The following ATG7 variants were observed in gnomAD, a reference collection of about 807,000 sequenced individuals.
ATG7 encodes autophagy related 7.
Under a neutral mutation model 82.4 loss-of-function variants are expected in ATG7, and 70 were observed. The observed-to-expected ratio is 0.85, with a 90% CI of 0.70 to 1.04. The LOEUF (loss-of-function observed/expected upper bound fraction) is 1.04, where lower values mean the gene tolerates loss of function less well. Among genes scored for constraint, ATG7 ranks in the 50% least tolerant of loss-of-function variants. The pLI is 0.00. For synonymous variants in ATG7, 287 were observed against 313.0 expected, an observed-to-expected ratio of 0.92 and a Z score of 0.88; for missense variants, 792 against 864.3, an observed-to-expected ratio of 0.92 and a Z score of 1.05.
At chr3:11,395,085 G>T (rs984886541) in intron 19 of ATG7, among the ~76,000 whole-genome samples, 7 of 152,096 alleles carry the variant, frequency 4.6e-5, no homozygotes, top group African/African-American at 1.7e-4. Context: ...CGGCTTTCCA[G>T]ATTTAAAAAA....
intron 9 of ATG7, among the ~76,000 whole-genome samples, chr3:11,329,932 T>G (rs574434821): frequency 2.6e-5 from 4 of 152,358 alleles, no homozygotes; most frequent in African/African-American, 9.6e-5. Flanking sequence ...TAGTTTCCTC[T>G]GATCTGTAAT....
At chr3:11,419,332 C>T (rs1391744850) in intron 19 of ATG7, among the ~76,000 whole-genome samples, 2 of 152,068 alleles carry the variant, frequency 1.3e-5, no homozygotes, top group Non-Finnish European at 2.9e-5. Flanking sequence ...GTGGGTGGAT[C>T]GCTTGAGGCC....
intron 9 of ATG7, among the ~76,000 whole-genome samples, chr3:11,323,762 C>CGAAGAAAGTGAAGA (rs1950509176): frequency 6.6e-6 from 1 of 152,232 alleles, no homozygotes; most frequent in Non-Finnish European, 1.5e-5. Flanking sequence ...GCTCTTTCTT[C>CGAAGAAAGTGAAGA]ACTTAGTGAT....
intron 20 of ATG7, among the ~76,000 whole-genome samples, chr3:11,464,695 G>A (rs551147004): frequency 4.5e-4 from 68 of 152,316 alleles, no homozygotes; most frequent in Non-Finnish European, 8.5e-4. Flanking sequence ...AAGTCATTGC[G>A]AGTAGCTAGA....
chr3:11,386,625 A>G (rs1464588242), intron 19 of ATG7, among the ~76,000 whole-genome samples: 26 of 152,208 alleles, frequency 1.7e-4, no homozygotes, highest in Admixed American at 1.7e-3. Flanking sequence ...GGCTGCAGCC[A>G]GATTTTCCTT....
intron 19 of ATG7, among the ~76,000 whole-genome samples, chr3:11,386,956 C>G (rs138320273): frequency 1.4e-3 from 213 of 152,352 alleles, no homozygotes; most frequent in Non-Finnish European, 2.3e-3. Context: ...GGACATTTCT[C>G]CCTTTGCTTC....
intron 20 of ATG7, among the ~76,000 whole-genome samples, chr3:11,430,689 T>C (rs1220223968): frequency 6.6e-6 from 1 of 152,234 alleles, no homozygotes; most frequent in Non-Finnish European, 1.5e-5. Flanking sequence ...AATGAGACAC[T>C]GACCCTCAAG....
intron 13 of ATG7, among the ~76,000 whole-genome samples, chr3:11,344,531 C>T (rs1954187993): frequency 6.6e-6 from 1 of 152,162 alleles, no homozygotes; most frequent in Non-Finnish European, 1.5e-5. Flanking sequence ...TCTTATTCTT[C>T]TCATATACTC....
In ATG7 at chr3:11,493,372, G is replaced by C. The variant is rs76988957; in HGVS notation, c.2080-61439G>C. On this transcript the variant is annotated intron_variant, in intron 20 of 20. Coordinates refer to ENST00000693202, the MANE Select transcript of ATG7 (RefSeq NM_001349232.2). Reference sequence around the variant, plus strand: ...CCTGGAGTCTTTATAGACACAGGATGGGGGGACAGGGCTGGCCATAGGTAG... The same window carrying C: ...CCTGGAGTCTTTATAGACACAGGATCGGGGGACAGGGCTGGCCATAGGTAG... 1.9e-3 allele frequency among the ~76,000 whole-genome samples: 294 copies of C among 152,236 alleles called. 1 individual carries two copies. Among genetic ancestry groups the C allele is most frequent in the African/African-American group, 6.7e-3 (277 of 41,558 alleles).
At chr3:11,543,627 C>T (rs760361143) in intron 20 of ATG7, among the ~76,000 whole-genome samples, 5 of 152,280 alleles carry the variant, frequency 3.3e-5, no homozygotes, top group Middle Eastern at 3.4e-3. Flanking sequence ...AGGCTGGCCG[C>T]GGTGGCTCAT....
In ATG7 at chr3:11,342,161, A is replaced by G; in HGVS notation, c.1007A>G (p.Asn336Ser). The change falls in exon 13 of 21, where the codon AAT becomes AGT. Residue 336 changes from asparagine (N) to serine (S), a missense_variant. Asn to Ser is a conservative substitution (Grantham distance 46). Transcript: ENST00000693202. ...KRLAESSVDL[N>S]LKLMCWRLVP... ...TTAGCTGAGTCATCAGTGGATCTAA[A>G]TCTCAAACTGATGTGTTGGAGATTG... 2 of 1,613,048 alleles carry G rather than the reference A, an allele frequency of 1.2e-6. No homozygotes were observed. The highest frequency in any genetic ancestry group is 1.3e-5 in the African/African-American group (1 of 74,992).
intron 20 of ATG7, among the ~76,000 whole-genome samples, chr3:11,475,882 C>CACACACACAA (rs1409843044): frequency 6.7e-6 from 1 of 148,438 alleles, no homozygotes; most frequent in Non-Finnish European, 1.5e-5. Flanking sequence ...CACACACACA[C>CACACACACAA]ACACACACAC....
chr3:11,480,133 G>A (rs945937133), intron 20 of ATG7, among the ~76,000 whole-genome samples: 33 of 152,086 alleles, frequency 2.2e-4, no homozygotes, highest in Non-Finnish European at 2.4e-4. Context: ...GGGTTTCACT[G>A]TGTTAGCCAG....
At chr3:11,419,020 A>C (rs959124042) in intron 19 of ATG7, among the ~76,000 whole-genome samples, 1 of 151,980 alleles carries the variant, frequency 6.6e-6, no homozygotes, top group Non-Finnish European at 1.5e-5. Flanking sequence ...ATGGGATTAC[A>C]ATTTTAGATG....
intron 9 of ATG7, among the ~76,000 whole-genome samples, chr3:11,324,250 TG>T (rs1292337173): frequency 1.3e-5 from 2 of 152,220 alleles, no homozygotes; most frequent in Non-Finnish European, 2.9e-5. Context: ...TGATTATTTA[TG>T]AAAAATATTT....
the ATG7 span, among the ~76,000 whole-genome samples, chr3:11,575,329 G>A: frequency 6.6e-6 from 1 of 152,226 alleles, no homozygotes; most frequent in South Asian, 2.1e-4. Flanking sequence ...AGGGTTTCCA[G>A]TCACTGTGCT....
At chr3:11,477,139 T>G (rs1195759605) in intron 20 of ATG7, 2 of 1,289,844 alleles carry the variant, frequency 1.6e-6, no homozygotes, top group Non-Finnish European at 2.0e-6. Flanking sequence ...GCCAGCATCT[T>G]TGAGATCTTC....
chr3:11,334,838 AT>A (rs1178785835), intron 11 of ATG7, among the ~76,000 whole-genome samples: 1 of 151,414 alleles, frequency 6.6e-6, no homozygotes, highest in Non-Finnish European at 1.5e-5. Flanking sequence ...GGCGTCTGTA[AT>A]CCCAGCTCTC....
At chr3:11,465,322 G>A (rs1437910126) in intron 20 of ATG7, among the ~76,000 whole-genome samples, 1 of 151,900 alleles carries the variant, frequency 6.6e-6, no homozygotes, top group Non-Finnish European at 1.5e-5. Flanking sequence ...GTGGGCACCT[G>A]TAGTCCCAGC....
Sources: allele counts gnomAD v4.1 joint callset (sites outside exome capture counted in the v4.1 genomes callset), GRCh38; gene constraint gnomAD v4.1.1; transcripts MANE v1.5; gene names NCBI Gene and HGNC (gene_info 2026-07-23, HGNC 2026-07-21).